The following MADD variants were observed in gnomAD, a reference collection of about 807,000 sequenced individuals.
MADD encodes the protein MAP kinase activating death domain, also known as MAP kinase-activating death domain protein.
Under a neutral mutation model 176.7 loss-of-function variants are expected in MADD, and 109 were observed. The observed-to-expected ratio is 0.62, with a 90% CI of 0.53 to 0.72. The LOEUF (loss-of-function observed/expected upper bound fraction) is 0.72, where lower values mean the gene tolerates loss of function less well. MADD is among the 30% of genes least tolerant of loss of function. The pLI is 0.00. For synonymous variants in MADD, 771 were observed against 771.3 expected (o/e 1.00, Z 0.01); for missense variants, 1,914 against 2,045.5 (o/e 0.94, Z 1.24).
chr11:47,293,788 C>A (rs547924294), intron 19 of MADD, 95 bp from the exon 22 acceptor site: 2 of 770,450 alleles, frequency 2.6e-6, no homozygotes, highest in Non-Finnish European at 4.5e-6. Context: ...ATGGGCTGAA[C>A]GGGTCTGGGA....
In MADD at chr11:47,278,160, C is replaced by T. The variant is rs2052393284; in HGVS notation, c.1096-5C>T. ...TGTTTCTCACCTTCTTTATCATTTCCACAGCTGCTGTTGGCTCCAACCCCG... is the reference window on the plus strand; with the variant it reads ...TGTTTCTCACCTTCTTTATCATTTCTACAGCTGCTGTTGGCTCCAACCCCG... On this transcript the variant is annotated splice_region_variant and splice_polypyrimidine_tract_variant and intron_variant, in intron 5 of 32. Coordinates refer to ENST00000402192, the Ensembl canonical transcript of MADD. 1 of 1,600,682 alleles carries T rather than the reference C, an allele frequency of 6.2e-7. No individual in the cohort carries two copies. The highest frequency in any genetic ancestry group is 8.6e-7 in the Non-Finnish European group (1 of 1,167,934).
chr11:47,327,204 C>T (rs2142441737), intron 31 of MADD: 1 of 1,005,112 alleles, frequency 9.9e-7, no homozygotes, highest in Non-Finnish European at 1.2e-6. Context: ...TAGCCAGCCT[C>T]CCTGGCGCCG....
chr11:47,327,202 C>T (rs1026695500), intron 31 of MADD: 3 of 1,005,372 alleles, frequency 3.0e-6, no homozygotes, highest in Non-Finnish European at 3.6e-6. Flanking sequence ...GCTAGCCAGC[C>T]TCCCTGGCGC....
At chr11:47,289,960 G>A in exon 17 of MADD, 5 of 1,614,148 alleles carry the variant, frequency 3.1e-6, no homozygotes, top group Non-Finnish European at 4.2e-6. Context: ...GCCGGCTGCT[G>A]GAGAGCGAGC....
chr11:47,284,867 C>A (rs762566389), intron 12 of MADD, 74 bp from the exon 13 acceptor site: 13 of 1,575,736 alleles, frequency 8.3e-6, no homozygotes, highest in African/African-American at 1.3e-5. Flanking sequence ...CCTGGTCCAG[C>A]CCTGCCAAAC....
chr11:47,279,205 G>T, intron 7 of MADD, 126 bp downstream of exon 7: 1 of 846,152 alleles, frequency 1.2e-6, no homozygotes. Context: ...CACCCTGGAT[G>T]GGCTTAAGAA....
chr11:47,324,448 G>GATAGCCCCCTCCCTC, intron 29 of MADD, 23 bp from the exon 33 acceptor site: 1 of 1,606,312 alleles, frequency 6.2e-7, no homozygotes, highest in Non-Finnish European at 8.5e-7. Context: ...CCAGTGAGCT[G>GATAGCCCCCTCCCTC]ATAGCCCCCT....
chr11:47,292,782 C>T (rs1006237218), intron 19 of MADD, among the ~76,000 whole-genome samples, 186 bp downstream of exon 21: 4 of 152,042 alleles, frequency 2.6e-5, no homozygotes, highest in South Asian at 4.1e-4. Context: ...CCCCTCCCCT[C>T]GTGTCAATCA....
chr11:47,320,862 A>G (rs2094350265), intron 27 of MADD, among the ~76,000 whole-genome samples: 1 of 152,152 alleles, frequency 6.6e-6, no homozygotes, highest in South Asian at 2.1e-4. Flanking sequence ...TCAAGGCTTC[A>G]GTGAGCTCTG....
At chr11:47,275,848 G>A (rs755405694) in intron 3 of MADD, 51 bp from the exon 4 acceptor site, 9 of 1,515,022 alleles carry the variant, frequency 5.9e-6, no homozygotes, top group Non-Finnish European at 8.1e-6. Context: ...GTTGCAGTAG[G>A]GTATCAGCTT....
chr11:47,298,941 C>G (rs919010424), intron 22 of MADD, among the ~76,000 whole-genome samples: 4 of 152,168 alleles, frequency 2.6e-5, no homozygotes, highest in Admixed American at 2.6e-4. Flanking sequence ...GAGACTGTCC[C>G]TATCCCCAGT....
At chr11:47,289,521 G>T (rs1249486001) in intron 16 of MADD, 28 bp downstream of exon 17, 3 of 1,597,040 alleles carry the variant, frequency 1.9e-6, no homozygotes, top group Non-Finnish European at 2.6e-6. Flanking sequence ...TGTTTTAAAA[G>T]TTCTCAGGCA....
chr11:47,322,643 G>A (rs922074747), intron 27 of MADD, among the ~76,000 whole-genome samples: 1 of 152,106 alleles, frequency 6.6e-6, no homozygotes, highest in African/African-American at 2.4e-5. Flanking sequence ...ACCTGAAAGA[G>A]AATGTTGAAC....
Position 47,294,403 on chromosome 11 carries a change from C to T in MADD, c.3402+420C>T, listed in dbSNP as rs1223147583. Among the ~76,000 whole-genome samples, 8 of 150,928 alleles carry T rather than the reference C, an allele frequency of 5.3e-5. No homozygotes were observed. In the East Asian group the frequency reaches 1.4e-3, roughly 26 times the overall value. On this transcript the variant is annotated intron_variant, in intron 20 of 32. Transcript: ENST00000402192. ...AAATAGCCAGGTGCGGTGGTTCATG[C>T]CTGTAATCACAGGACTTTGGGAGGC...
At chr11:47,299,326 A>G (rs953483178) in intron 22 of MADD, among the ~76,000 whole-genome samples, 2 of 150,746 alleles carry the variant, frequency 1.3e-5, no homozygotes, top group Admixed American at 6.6e-5. Context: ...TTTTCCCTAT[A>G]CTCTTTCTTA....
chr11:47,315,350 G>GGCCC (rs779751358), intron 27 of MADD, 23 bp downstream of exon 30: 2 of 1,443,788 alleles, frequency 1.4e-6, no homozygotes, highest in Non-Finnish European at 2.0e-6. Flanking sequence ...TCATGCTGGG[G>GGCCC]GCCCAAAGGG....
At chr11:47,315,409 C>A in intron 27 of MADD, 82 bp downstream of exon 30, 1 of 713,948 alleles carries the variant, frequency 1.4e-6, no homozygotes, top group Non-Finnish European at 2.5e-6. Flanking sequence ...GGATATTTTT[C>A]TCATTTATCT....
chr11:47,282,950 T>C (rs1384305925), exon 10 of MADD: 1 of 1,613,542 alleles, frequency 6.2e-7, no homozygotes, highest in Non-Finnish European at 8.5e-7. Flanking sequence ...GGACTCTGAC[T>C]CCGAACCTAC....
intron 1 of MADD, chr11:47,270,769 C>T (rs1432884339): frequency 1.3e-5 from 2 of 152,400 alleles, no homozygotes. Context: ...TATCTACCTT[C>T]TTCCACCTTT....
Sources: gnomAD v4.1 joint callset for allele counts (sites outside exome capture counted in the v4.1 genomes callset) on GRCh38, gnomAD v4.1.1 for gene constraint, MANE v1.5 for transcripts, NCBI Gene and HGNC (gene_info 2026-07-23, HGNC 2026-07-21) for gene names.